ADAMTS17: variants seen among roughly 807,000 people sequenced by gnomAD.
ADAMTS17 encodes ADAM metallopeptidase with thrombospondin type 1 motif 17, also known as A disintegrin and metalloproteinase with thrombospondin motifs 17.
In ADAMTS17, 113 loss-of-function variants were observed where a neutral mutation model predicts 141.5. The observed-to-expected ratio is 0.80, with a 90% CI of 0.69 to 0.93. The LOEUF (loss-of-function observed/expected upper bound fraction) is 0.93. ADAMTS17 is among the 40% of genes least tolerant of loss of function. The pLI, the probability that ADAMTS17 is intolerant of heterozygous loss-of-function variation, is 0.00. For missense variants in ADAMTS17, 1,659 were observed against 1,517.9 expected (o/e 1.09, Z -1.54); for synonymous variants, 768 against 630.6 (o/e 1.22, Z -3.27).
intron 3 of ADAMTS17, among the ~76,000 whole-genome samples, chr15:100,285,635 G>T (rs1022143184): frequency 6.6e-6 from 1 of 152,194 alleles, no homozygotes; most frequent in Non-Finnish European, 1.5e-5. Context: ...AGTTGAATAG[G>T]CAAGGAGTAG....
At chr15:100,340,831 T>A (rs28457605) in intron 2 of ADAMTS17, among the ~76,000 whole-genome samples, 1 of 152,224 alleles carries the variant, frequency 6.6e-6, no homozygotes, top group East Asian at 1.9e-4. Context: ...GGCGCTGGAC[T>A]GGGATGCTGC....
chr15:100,255,641 C>CAG (rs2043302861), intron 6 of ADAMTS17, among the ~76,000 whole-genome samples: 1 of 151,850 alleles, frequency 6.6e-6, no homozygotes, highest in Non-Finnish European at 1.5e-5. Flanking sequence ...CACACACACA[C>CAG]AGCTGGCCCA....
At chr15:100,078,652 G>A (rs1161737957) in intron 15 of ADAMTS17, among the ~76,000 whole-genome samples, 1 of 152,142 alleles carries the variant, frequency 6.6e-6, no homozygotes. Context: ...TCATGACCTT[G>A]AATTAGGCAA....
chr15:100,140,452 G>GAC (rs140696533), intron 10 of ADAMTS17, among the ~76,000 whole-genome samples: 5,174 of 131,844 alleles, frequency 0.039, 122 homozygotes, highest in South Asian at 0.097. Flanking sequence ...CTAACTCCAA[G>GAC]ACACACACAC....
chr15:100,106,059 A>C (rs2036397308), intron 14 of ADAMTS17, among the ~76,000 whole-genome samples: 1 of 151,996 alleles, frequency 6.6e-6, no homozygotes, highest in Non-Finnish European at 1.5e-5. Flanking sequence ...TGCAGTGGCA[A>C]AATCTCGATT....
chr15:100,320,762 G>A (rs1013046337), intron 3 of ADAMTS17, among the ~76,000 whole-genome samples: 1 of 152,160 alleles, frequency 6.6e-6, no homozygotes. Flanking sequence ...AAGCCTGGGA[G>A]GCAGAGGTTG....
chr15:100,281,656 G>T lies in ADAMTS17; in HGVS notation c.617-255C>A, dbSNP rs7496729. On this transcript the variant is annotated intron_variant, in intron 3 of 21. Transcript: ENST00000268070. Reference sequence around the variant, plus strand: ...ACACCCAACTCCCACCACAGCTGGGGAGGCCAATGGGGCTGAGGGGAACAG... The same window carrying T: ...ACACCCAACTCCCACCACAGCTGGGTAGGCCAATGGGGCTGAGGGGAACAG... Among the ~76,000 whole-genome samples, 823 of 152,296 alleles carry T rather than the reference G, an allele frequency of 5.4e-3. 15 individuals carry two copies. In the East Asian group the frequency reaches 0.068, roughly 13 times the overall value.
intron 3 of ADAMTS17, chr15:100,306,272 C>G (rs767180285): frequency 2.9e-6 from 1 of 341,342 alleles, no homozygotes; most frequent in Non-Finnish European, 5.8e-6. Context: ...GGTTTCTAAC[C>G]GCTTCAGCCA....
At chr15:100,258,436 C>T (rs374418834) in intron 6 of ADAMTS17, among the ~76,000 whole-genome samples, 2 of 152,320 alleles carry the variant, frequency 1.3e-5, no homozygotes, top group African/African-American at 4.8e-5. Flanking sequence ...TAAAGACATA[C>T]TCAAGACTGG....
chr15:100,119,573 C>T (rs980909214), intron 12 of ADAMTS17, among the ~76,000 whole-genome samples: 3 of 152,244 alleles, frequency 2.0e-5, no homozygotes, highest in Admixed American at 1.3e-4. Flanking sequence ...TCCAGTTTTA[C>T]ATCTGCCTAA....
intron 15 of ADAMTS17, among the ~76,000 whole-genome samples, chr15:100,091,935 T>C (rs1235925615): frequency 1.3e-5 from 2 of 152,226 alleles, no homozygotes; most frequent in African/African-American, 4.8e-5. Context: ...ACTCATTGTT[T>C]GGGAAACCCG....
chr15:100,205,475 A>G (rs4419043), intron 7 of ADAMTS17, among the ~76,000 whole-genome samples: 52,093 of 152,050 alleles, frequency 0.34, 10,812 homozygotes, highest in South Asian at 0.52. Flanking sequence ...CCCACCTGCC[A>G]GAGAAGATGA....
chr15:100,281,206 C>T, intron 4 of ADAMTS17, 23 bp downstream of exon 4: 5 of 1,601,224 alleles, frequency 3.1e-6, no homozygotes, highest in Non-Finnish European at 4.2e-6. Context: ...CCCCCCACAT[C>T]AGGACCCCGG....
chr15:100,107,377 T>C (rs1481991094), intron 14 of ADAMTS17, among the ~76,000 whole-genome samples: 1 of 152,160 alleles, frequency 6.6e-6, no homozygotes, highest in Non-Finnish European at 1.5e-5. Flanking sequence ...CTGACACTGA[T>C]CTGCCTGCTC....
Position 100,152,729 on chromosome 15 carries a change from G to T in ADAMTS17, c.1356C>A (p.Asp452Glu). The T allele has an allele frequency of 3.1e-6, 5 of 1,614,258 alleles. No individual in the cohort carries two copies. Among genetic ancestry groups the T allele is most frequent in the Non-Finnish European group, 4.2e-6 (5 of 1,180,052 alleles). The change falls in exon 10 of 22, where the codon GAC (aspartate) becomes GAA (glutamate). Residue 452 changes from aspartate to glutamate, a missense_variant. By Grantham distance (45) the Asp-to-Glu change is conservative. Transcript: ENST00000268070. ...SKVSTCLLVT[D>E]PRSQHTVRLP... ...GGCGTACTGTGTGCTGGCTTCTGGG[G>T]TCCGTGACTAGCAAGCAGGTGCTGA...
chr15:100,119,551 G>A (rs2008958), intron 12 of ADAMTS17, among the ~76,000 whole-genome samples: 49 of 152,144 alleles, frequency 3.2e-4, no homozygotes, highest in Admixed American at 9.2e-4. Context: ...CGCCTTTCCA[G>A]TAGCTGATTT....
chr15:100,119,412 T>A (rs905308588), intron 12 of ADAMTS17, among the ~76,000 whole-genome samples: 3 of 152,062 alleles, frequency 2.0e-5, no homozygotes, highest in African/African-American at 7.2e-5. Context: ...AAATACAAAT[T>A]AGGTGGGTTC....
At chr15:100,176,348 A>G (rs575927328) in intron 8 of ADAMTS17, among the ~76,000 whole-genome samples, 1 of 152,336 alleles carries the variant, frequency 6.6e-6, no homozygotes, top group Non-Finnish European at 1.5e-5. Context: ...AAACTAGGCT[A>G]CGTGTTGGAG....
intron 3 of ADAMTS17, among the ~76,000 whole-genome samples, chr15:100,317,130 CA>C (rs938838318): frequency 3.3e-5 from 5 of 150,870 alleles, no homozygotes; most frequent in Non-Finnish European, 5.9e-5. Flanking sequence ...CCCGACACCT[CA>C]AAAAAAAATC....
Sources: gnomAD v4.1 joint callset for allele counts (sites outside exome capture counted in the v4.1 genomes callset) on GRCh38, gnomAD v4.1.1 for gene constraint, MANE v1.5 for transcripts, NCBI Gene and HGNC (gene_info 2026-07-23, HGNC 2026-07-21) for gene names.